WDFY4: variants seen among roughly 807,000 people sequenced by gnomAD.
The protein encoded by WDFY4 is WDFY family member 4.
Under a neutral mutation model 351.9 loss-of-function variants are expected in WDFY4, and 169 were observed. That is an observed-to-expected ratio of 0.48 (90% CI 0.42 to 0.55). The LOEUF (loss-of-function observed/expected upper bound fraction) is 0.55. WDFY4 is among the 20% of genes least tolerant of loss of function. The probability of loss-of-function intolerance (pLI) is 0.00; values close to 1 mark genes in which losing one functional copy is unlikely to be tolerated. For missense variants in WDFY4, 3,803 were observed against 3,935.6 expected, an observed-to-expected ratio of 0.97 and a Z score of 0.90; for synonymous variants, 1,622 against 1,574.6, an observed-to-expected ratio of 1.03 and a Z score of -0.71.
intron 40 of WDFY4, 32 bp downstream of exon 40, chr10:48,867,374 A>G (rs1389809496): frequency 1.5e-6 from 2 of 1,371,434 alleles, no homozygotes; most frequent in African/African-American, 1.5e-5. Flanking sequence ...TTCTCTATAC[A>G]GCAAGCTGGA....
At chr10:48,803,396 A>G in intron 25 of WDFY4, 37 bp downstream of exon 25, 1 of 1,544,442 alleles carries the variant, frequency 6.5e-7, no homozygotes, top group Non-Finnish European at 8.8e-7. Flanking sequence ...GTTAGAACTG[A>G]AGGCTGAATG....
chr10:48,974,527 A>AAAAAAAAC lies in WDFY4; in HGVS notation c.8929-333_8929-332insAAAAACAA. Among the ~76,000 whole-genome samples, 34 of 23,184 alleles carry AAAAAAAAC rather than the reference A, an allele frequency of 1.5e-3. 5 individuals carry two copies. Among genetic ancestry groups the AAAAAAAAC allele is most frequent in the African/African-American group, 2.3e-3 (32 of 13,796 alleles). The allele number at this position is 23,184 out of a possible 152,430, so 15.2% of individuals were successfully genotyped here. ...CAAAAAAAAAAAAAAAAAAAAAAAA[A>AAAAAAAAC]AACAACTCATGACATGAACTGCTCC... On this transcript the variant is annotated intron_variant, in intron 57 of 61. Coordinates refer to ENST00000325239, the MANE Select transcript of WDFY4 (RefSeq NM_001394531.1).
chr10:48,799,834 G>A (rs1565212645), intron 24 of WDFY4, among the ~76,000 whole-genome samples: 2 of 152,214 alleles, frequency 1.3e-5, no homozygotes, highest in African/African-American at 4.8e-5. Context: ...GGCAGTCAGT[G>A]GACTTTGGAA....
chr10:48,913,556 A>G (rs1160737824), intron 47 of WDFY4: 1 of 1,613,632 alleles, frequency 6.2e-7, no homozygotes, highest in Non-Finnish European at 8.5e-7. Context: ...TCTCCTCCAC[A>G]ACATACAAGT....
At chr10:48,831,868 G>A (rs1188219361) in intron 38 of WDFY4, among the ~76,000 whole-genome samples, 1 of 152,108 alleles carries the variant, frequency 6.6e-6, no homozygotes. Flanking sequence ...GCCTGGGATG[G>A]CCCCCTTCAG....
At chr10:48,833,893 G>T (rs369583790) in intron 39 of WDFY4, among the ~76,000 whole-genome samples, 1 of 152,220 alleles carries the variant, frequency 6.6e-6, no homozygotes. Flanking sequence ...TTCGGGAAAT[G>T]AGGTGGAGCC....
chr10:48,850,328 G>A (rs1189027020), intron 39 of WDFY4, among the ~76,000 whole-genome samples: 1 of 152,124 alleles, frequency 6.6e-6, no homozygotes, highest in East Asian at 1.9e-4. Flanking sequence ...CTCTTCTTCT[G>A]TATTTATTTC....
intron 19 of WDFY4, among the ~76,000 whole-genome samples, chr10:48,781,254 A>G (rs191556292): frequency 7.8e-4 from 114 of 146,728 alleles, no homozygotes; most frequent in African/African-American, 2.2e-3. Context: ...GTATATATAT[A>G]TGTGTGTGTG....
intron 14 of WDFY4, 101 bp from the exon 15 acceptor site, chr10:48,775,610 GT>G: frequency 8.9e-7 from 1 of 1,117,862 alleles, no homozygotes; most frequent in South Asian, 1.4e-5. Flanking sequence ...GGGCTGGGAG[GT>G]CAGGGAGCTC....
intron 1 of WDFY4, among the ~76,000 whole-genome samples, chr10:48,693,959 C>T (rs570553622): frequency 1.6e-3 from 239 of 152,250 alleles, no homozygotes; most frequent in Non-Finnish European, 2.5e-3. Context: ...TTGATGAATC[C>T]GGAGAACTAA....
At chr10:48,772,926 TTTC>T (rs1429966086) in intron 13 of WDFY4, among the ~76,000 whole-genome samples, 2 of 151,284 alleles carry the variant, frequency 1.3e-5, no homozygotes, top group East Asian at 3.9e-4. Context: ...TGTGCCACAT[TTTC>T]TTAATCCAGT....
At chr10:48,729,054 G>T (rs1244592871) in intron 7 of WDFY4, among the ~76,000 whole-genome samples, 1 of 152,200 alleles carries the variant, frequency 6.6e-6, no homozygotes, top group African/African-American at 2.4e-5. Flanking sequence ...TAAGCACAAG[G>T]AAGTCCGACT....
chr10:48,759,084 AG>A (rs2065421548), intron 12 of WDFY4, among the ~76,000 whole-genome samples: 2 of 152,134 alleles, frequency 1.3e-5, no homozygotes, highest in African/African-American at 4.8e-5. Context: ...ACTTAGGTTC[AG>A]GTTGCAAGTT....
At chr10:48,957,822 C>A (rs1170749722) in intron 52 of WDFY4, among the ~76,000 whole-genome samples, 3 of 152,174 alleles carry the variant, frequency 2.0e-5, no homozygotes, top group Non-Finnish European at 4.4e-5. Context: ...CTTCTTGCTG[C>A]TATAGAGGTG....
chr10:48,799,203 A>C (rs937549225), intron 24 of WDFY4, among the ~76,000 whole-genome samples: 1 of 152,190 alleles, frequency 6.6e-6, no homozygotes, highest in Non-Finnish European at 1.5e-5. Context: ...TACCCTCTTC[A>C]GGAGATCTGG....
intron 39 of WDFY4, among the ~76,000 whole-genome samples, chr10:48,836,423 C>T (rs544020373): frequency 3.9e-5 from 6 of 152,324 alleles, no homozygotes; most frequent in Non-Finnish European, 8.8e-5. Context: ...TCTGCATCTT[C>T]TGTCTCTCTT....
chr10:48,905,908 G>T (rs749794904), intron 47 of WDFY4, among the ~76,000 whole-genome samples: 5 of 152,238 alleles, frequency 3.3e-5, no homozygotes, highest in African/African-American at 1.2e-4. Flanking sequence ...AAAAGCAGGT[G>T]GCTCTCCTTG....
chr10:48,954,106 G>T (rs969103032), intron 51 of WDFY4, among the ~76,000 whole-genome samples: 2 of 152,060 alleles, frequency 1.3e-5, no homozygotes, highest in Non-Finnish European at 2.9e-5. Flanking sequence ...GCAATATTTA[G>T]CACCTCCTAA....
At chr10:48,917,270 G>T (rs922374670) in intron 47 of WDFY4, among the ~76,000 whole-genome samples, 1 of 152,148 alleles carries the variant, frequency 6.6e-6, no homozygotes, top group Non-Finnish European at 1.5e-5. Flanking sequence ...TATCTCTGCT[G>T]ATACCTATAC....
Sources: gnomAD v4.1 joint callset for allele counts (sites outside exome capture counted in the v4.1 genomes callset) on GRCh38, gnomAD v4.1.1 for gene constraint, MANE v1.5 for transcripts, NCBI Gene and HGNC (gene_info 2026-07-23, HGNC 2026-07-21) for gene names.